LRMDA: variants seen among roughly 807,000 people sequenced by gnomAD.
LRMDA encodes the protein leucine rich melanocyte differentiation associated.
In LRMDA, 18 loss-of-function variants were observed where a neutral mutation model predicts 29.8. The observed-to-expected ratio is 0.60, with a 90% CI of 0.42 to 0.90. The LOEUF (loss-of-function observed/expected upper bound fraction) is 0.90. LRMDA is among the 40% of genes least tolerant of loss of function. The probability of loss-of-function intolerance (pLI) is 0.00; values close to 1 mark genes in which losing one functional copy is unlikely to be tolerated. For synonymous variants in LRMDA, 125 were observed against 109.4 expected (o/e 1.14, Z -0.89); for missense variants, 273 against 273.9 (o/e 1.00, Z 0.02).
intron 2 of LRMDA, among the ~76,000 whole-genome samples, chr10:75,747,878 A>G (rs889019642): frequency 6.6e-6 from 1 of 152,152 alleles, no homozygotes; most frequent in Non-Finnish European, 1.5e-5. Flanking sequence ...AATTAAATCA[A>G]TTTTTTTAAT....
intron 2 of LRMDA, among the ~76,000 whole-genome samples, chr10:75,895,809 TA>T (rs1250332592): frequency 6.6e-6 from 1 of 152,162 alleles, no homozygotes; most frequent in Non-Finnish European, 1.5e-5. Flanking sequence ...AGAGATAGCA[TA>T]GGAAATTGCC....
At chr10:76,018,539 C>G in intron 2 of LRMDA, among the ~76,000 whole-genome samples, 1 of 149,228 alleles carries the variant, frequency 6.7e-6, no homozygotes, top group East Asian at 2.0e-4. Context: ...GGGAATTGTA[C>G]AAGGCATAAA....
intron 5 of LRMDA, among the ~76,000 whole-genome samples, chr10:76,119,350 G>A (rs779267731): frequency 2.0e-5 from 3 of 151,978 alleles, no homozygotes; most frequent in Non-Finnish European, 2.9e-5. Flanking sequence ...GGGGTCTGTG[G>A]GTAGCAAAGC....
At chr10:76,287,095 TATAAC>T (rs1230687633) in intron 5 of LRMDA, among the ~76,000 whole-genome samples, 6 of 152,192 alleles carry the variant, frequency 3.9e-5, no homozygotes, top group Non-Finnish European at 7.3e-5. Context: ...AACTAGAAGA[TATAAC>T]ATATACTAAA....
chr10:76,200,778 C>T (rs1851412223), intron 5 of LRMDA, among the ~76,000 whole-genome samples: 1 of 148,160 alleles, frequency 6.7e-6, no homozygotes, highest in Admixed American at 6.7e-5. Flanking sequence ...AGTGCAGTGG[C>T]ACAATCTCGG....
intron 2 of LRMDA, among the ~76,000 whole-genome samples, chr10:75,991,298 C>A (rs534853191): frequency 1.3e-5 from 2 of 152,094 alleles, no homozygotes; most frequent in Non-Finnish European, 2.9e-5. Context: ...TTAAAAAATA[C>A]GGTCTCAGAA....
intron 6 of LRMDA, among the ~76,000 whole-genome samples, chr10:76,367,313 G>C (rs1841402269): frequency 6.6e-6 from 1 of 152,254 alleles, no homozygotes; most frequent in African/African-American, 2.4e-5. Context: ...TTGTGGAATA[G>C]TGTCAAAAGG....
At chr10:75,782,882 T>C in intron 2 of LRMDA, 1 of 1,595,824 alleles carries the variant, frequency 6.3e-7, no homozygotes. Context: ...AGCCGTGGAG[T>C]ACCTGCTGTT....
intron 2 of LRMDA, among the ~76,000 whole-genome samples, chr10:75,800,393 C>A (rs1843727512): frequency 6.7e-6 from 1 of 150,310 alleles, no homozygotes; most frequent in African/African-American, 2.4e-5. Flanking sequence ...TTGTTGATTG[C>A]ATTTAGTTGG....
chr10:75,775,573 G>A (rs1346487343), intron 2 of LRMDA, among the ~76,000 whole-genome samples: 1 of 152,222 alleles, frequency 6.6e-6, no homozygotes, highest in African/African-American at 2.4e-5. Context: ...ACCACAGTCA[G>A]TATGATCCTG....
At chr10:76,254,482 A>G (rs1185786025) in intron 5 of LRMDA, among the ~76,000 whole-genome samples, 1 of 152,158 alleles carries the variant, frequency 6.6e-6, no homozygotes, top group African/African-American at 2.4e-5. Flanking sequence ...GAGTATTCAT[A>G]TATTTGTGTT....
intron 2 of LRMDA, among the ~76,000 whole-genome samples, chr10:76,017,181 G>A (rs537064800): frequency 1.4e-4 from 21 of 152,340 alleles, no homozygotes; most frequent in African/African-American, 4.6e-4. Context: ...GGCGGACGCC[G>A]CATGAAGGCC....
At chr10:76,399,405 A>C (rs1841824272) in intron 6 of LRMDA, among the ~76,000 whole-genome samples, 1 of 152,190 alleles carries the variant, frequency 6.6e-6, no homozygotes, top group African/African-American at 2.4e-5. Context: ...TTAACCTAAA[A>C]GTCAGGCTAG....
At chr10:76,046,320 G>A (rs778951611) in intron 3 of LRMDA, among the ~76,000 whole-genome samples, 4 of 152,046 alleles carry the variant, frequency 2.6e-5, no homozygotes, top group Non-Finnish European at 5.9e-5. Context: ...GCTTTATTTG[G>A]TTTGGCCATG....
At chr10:76,118,361 A>T (rs1456308815) in intron 5 of LRMDA, among the ~76,000 whole-genome samples, 1 of 152,174 alleles carries the variant, frequency 6.6e-6, no homozygotes, top group Non-Finnish European at 1.5e-5. Context: ...TCCTCCAAGC[A>T]CTTGGGCAGA....
chr10:76,185,950 C>A (rs1417356116), intron 5 of LRMDA, among the ~76,000 whole-genome samples: 1 of 152,156 alleles, frequency 6.6e-6, no homozygotes, highest in South Asian at 2.1e-4. Context: ...AGCAAAACCT[C>A]ATGTTTAATC....
intron 2 of LRMDA, among the ~76,000 whole-genome samples, chr10:75,490,281 A>G (rs753255247): frequency 5.9e-5 from 9 of 152,048 alleles, no homozygotes; most frequent in Non-Finnish European, 1.3e-4. Flanking sequence ...AAAATTAGTG[A>G]TGATGAGAAG....
chr10:76,128,859 A>G (rs1849934816), intron 5 of LRMDA, among the ~76,000 whole-genome samples: 1 of 152,196 alleles, frequency 6.6e-6, no homozygotes, highest in African/African-American at 2.4e-5. Context: ...TATCTAAGGC[A>G]AATTCATGTG....
intron 2 of LRMDA, among the ~76,000 whole-genome samples, chr10:75,511,351 A>G (rs886114810): frequency 6.6e-6 from 1 of 152,004 alleles, no homozygotes; most frequent in Non-Finnish European, 1.5e-5. Flanking sequence ...ACAACAAAAA[A>G]CCAAAGAGAA....
Sources: gnomAD v4.1 joint callset for allele counts (sites outside exome capture counted in the v4.1 genomes callset) on GRCh38, gnomAD v4.1.1 for gene constraint, MANE v1.5 for transcripts, NCBI Gene and HGNC (gene_info 2026-07-23, HGNC 2026-07-21) for gene names.